The following KRT74 variants were observed in gnomAD, a reference collection of about 807,000 sequenced individuals.
KRT74 encodes the protein keratin 74, also known as keratin, type II cytoskeletal 74.
A neutral mutation model predicts 42.7 loss-of-function variants in KRT74; 43 were observed. That is an observed-to-expected ratio of 1.01 (90% confidence interval 0.79 to 1.30). The LOEUF (loss-of-function observed/expected upper bound fraction) is 1.30, where lower values mean the gene tolerates loss of function less well. Ranked by LOEUF, KRT74 falls within the 50% of genes most tolerant of loss-of-function variation. The pLI is 0.00. For missense variants in KRT74, 736 were observed against 689.1 expected, an observed-to-expected ratio of 1.07 and a Z score of -0.76; for synonymous variants, 302 against 279.0, an observed-to-expected ratio of 1.08 and a Z score of -0.82.
chr12:52,572,698 C>A (rs766610981), intron 1 of KRT74, 31 bp from the exon 2 acceptor site: 12 of 1,595,538 alleles, frequency 7.5e-6, no homozygotes, highest in Non-Finnish European at 1.0e-5. Context: ...CACCTGGAAC[C>A]ACAATGGGTG....
chr12:52,568,531 G>T, intron 6 of KRT74, 142 bp from the exon 7 acceptor site: 1 of 846,798 alleles, frequency 1.2e-6, no homozygotes, highest in Non-Finnish European at 1.9e-6. Context: ...CCAGAACTTT[G>T]TCTCTTCTAT....
intron 4 of KRT74, 68 bp from the exon 5 acceptor site, chr12:52,570,901 G>A (rs1256916041): frequency 6.3e-7 from 1 of 1,585,012 alleles, no homozygotes; most frequent in Non-Finnish European, 8.7e-7. Flanking sequence ...TCAGTCTTCT[G>A]GGCCCATGGT....
chr12:52,569,961 G>T lies in KRT74; in HGVS notation c.1032C>A (p.Ala344=). 1 of 1,614,052 alleles carries T rather than the reference G, an allele frequency of 6.2e-7. No individual in the cohort carries two copies. The highest frequency in any genetic ancestry group is 8.5e-7 in the Non-Finnish European group (1 of 1,180,014). ...GTTTCAGGTCGTCACCATGCCGACT[G>T]GCTGCCAGCTGCAGCTCCTGGATCT... The part of the protein sequence containing the change: ...QTKIQELQLA[A]SRHGDDLKHT... Residue 344 remains alanine, a synonymous_variant, in exon 6 of 9, where the codon GCC becomes GCA. Coordinates refer to ENST00000305620, the MANE Select transcript of KRT74 (RefSeq NM_175053.4).
intron 6 of KRT74, 113 bp downstream of exon 6, chr12:52,569,746 G>C (rs1042836483): frequency 3.7e-5 from 52 of 1,389,698 alleles, no homozygotes; most frequent in Non-Finnish European, 5.0e-5. Context: ...GGGTGGCCGA[G>C]GGACCCCTAA....
In KRT74 at chr12:52,570,716, T is replaced by A. The variant is rs1329212153; in HGVS notation, c.961A>T (p.Ile321Phe). The change falls in exon 5 of 9, where the codon ATC becomes TTC. Residue 321 changes from isoleucine (I) to phenylalanine (F), a missense_variant. By Grantham distance (21) the Ile-to-Phe change is conservative. Coordinates refer to ENST00000305620, the MANE Select transcript of KRT74 (RefSeq NM_175053.4). ...GCCTCGGCCTTGCTCTTCAGGGCGATCTCCTCATAATGCATGCGGACCTCA... is the reference window on the plus strand; with the variant it reads ...GCCTCGGCCTTGCTCTTCAGGGCGAACTCCTCATAATGCATGCGGACCTCA... ...IAEVRMHYEE[I>F]ALKSKAEAEA... 2 of 1,614,104 alleles carry A rather than the reference T, an allele frequency of 1.2e-6. No individual in the cohort carries two copies. Among genetic ancestry groups the A allele is most frequent in the African/African-American group, 2.7e-5 (2 of 74,942 alleles).
At position 52,572,543 on chromosome 12, in the gene KRT74, C is replaced by T. The variant is rs745957699; in HGVS notation, c.596G>A (p.Arg199Gln). ...PILEGYISNL[R>Q]KQLETLSGDR... ...CCCAGACAGTGTCTCCAGCTGCTTCCGCAGGTTGCTGATGTAGCCCTCAAG... is the reference window on the plus strand; with the variant it reads ...CCCAGACAGTGTCTCCAGCTGCTTCTGCAGGTTGCTGATGTAGCCCTCAAG... Residue 199 changes from arginine (R) to glutamine (Q), a missense_variant, in exon 2 of 9, where the codon CGG becomes CAG. Transcript: ENST00000305620. 22 of 1,614,092 alleles carry T rather than the reference C, an allele frequency of 1.4e-5. No homozygotes were observed. Among genetic ancestry groups the T allele is most frequent in the East Asian group, 1.3e-4 (6 of 44,894 alleles).
chr12:52,567,316 G>T, intron 8 of KRT74, 148 bp from the exon 9 acceptor site: 1 of 711,050 alleles, frequency 1.4e-6, no homozygotes, highest in Non-Finnish European at 2.3e-6. Flanking sequence ...GCACTACAGA[G>T]ATGAACTGAG....
Position 52,566,680 on chromosome 12 carries a change from C to T in KRT74, c.*289G>A. On this transcript the variant is annotated 3_prime_UTR_variant, in exon 9 of 9. Coordinates refer to ENST00000305620, the MANE Select transcript of KRT74 (RefSeq NM_175053.4). ...TCCCTCTTTCTAGGGATGATCACAG[C>T]TTCCTTAGGGCCAAGAAGGTTATAA... The T allele has an allele frequency of 2.8e-6, 1 of 359,056 alleles. No individual in the cohort carries two copies. Among genetic ancestry groups the T allele is most frequent in the Non-Finnish European group, 5.0e-6 (1 of 199,420 alleles). The allele number at this position is 359,056 out of a possible 1,614,324, so 22.2% of individuals were successfully genotyped here. A position where few individuals can be genotyped will look rare whatever the true frequency, so the allele number is the denominator to read the frequency against.
intron 3 of KRT74, among the ~76,000 whole-genome samples, chr12:52,571,674 TAGGTTTCCTC>T (rs543448691): frequency 9.2e-5 from 14 of 152,220 alleles, no homozygotes; most frequent in Admixed American, 2.6e-4. Flanking sequence ...AGAGAGGTAG[TAGGTTTCCTC>T]AGGTCACACA....
At position 52,568,298 on chromosome 12, in the gene KRT74, C is replaced by T. The variant is rs1200032244; in HGVS notation, c.1226G>A (p.Gly409Asp). 2 of 1,614,100 alleles carry T rather than the reference C, an allele frequency of 1.2e-6. No homozygotes were observed. Among genetic ancestry groups the T allele is most frequent in the Non-Finnish European group, 1.7e-6 (2 of 1,180,054 alleles). Residue 409 changes from glycine to aspartate, a missense_variant, in exon 7 of 9, where the codon GGC becomes GAC. Transcript: ENST00000305620. The part of the protein sequence containing the change: ...DAQAKLDELE[G>D]ALHQAKEELA... ...CTCCTCCTTGGCCTGGTGCAGGGCG[C>T]CCTCCAGCTCATCCAGCTTGGCCTG...
chr12:52,572,002 T>C lies in KRT74; in HGVS notation c.689A>G (p.Tyr230Cys), dbSNP rs762645649. 14 of 1,589,610 alleles carry C rather than the reference T, an allele frequency of 8.8e-6. No homozygotes were observed. The highest frequency in any genetic ancestry group is 1.2e-5 in the Non-Finnish European group (14 of 1,158,084). Residue 230 changes from tyrosine (Y) to cysteine (C), a missense_variant and splice_region_variant, in exon 3 of 9, where the codon TAT becomes TGT. Physicochemically the swap from Tyr to Cys is radical, Grantham distance 194. Transcript: ENST00000305620. The part of the protein sequence containing the change: ...RDLVEDYKKR[Y>C]EVEINRRTTA... ...CGTGCGCCGGTTAATCTCCACTTCA[T>C]ATCTGCCAGCAGGGAGAGTAGATGG...
chr12:52,570,071 G>T lies in KRT74; in HGVS notation c.1009-87C>A, dbSNP rs1211743721. ...ATAAGCCACCCCTGCCACCCTGGCT[G>T]TCGGTGGGATTTAACGGAACTGAAG... is the stretch of plus-strand genomic sequence containing the variant. On this transcript the variant is annotated intron_variant, in intron 5 of 8. Coordinates refer to ENST00000305620, the MANE Select transcript of KRT74 (RefSeq NM_175053.4). 2.7e-6 allele frequency: 4 copies of T among 1,482,340 alleles called. No homozygotes were observed. In the Admixed American group the frequency reaches 5.2e-5, roughly 19 times the overall value. The allele number at this position is 1,482,340 out of a possible 1,614,324, so 91.8% of individuals were successfully genotyped here.
At chr12:52,571,699 G>A (rs1939485191) in intron 3 of KRT74, among the ~76,000 whole-genome samples, 3 of 152,200 alleles carry the variant, frequency 2.0e-5, no homozygotes, top group Non-Finnish European at 4.4e-5. Context: ...CACACAGCAA[G>A]GTTGAGCTGG....
At chr12:52,569,045 C>T (rs556769157) in intron 6 of KRT74, among the ~76,000 whole-genome samples, 7 of 152,118 alleles carry the variant, frequency 4.6e-5, no homozygotes, top group Non-Finnish European at 8.8e-5. Context: ...AATGTAGAGT[C>T]GTAGAGTTGT....
rs748557486 is a variant in KRT74, at chr12:52,568,153, C to CT, written c.1355+15_1355+16insA. On this transcript the variant is annotated intron_variant, in intron 7 of 8. Transcript: ENST00000305620. ...ACCCCAGTCCCTTCTCACACTTTCC[C>CT]CTCCACCCCACCTACCTGCACTCCT... 4.3e-6 allele frequency: 7 copies of CT among 1,614,068 alleles called. No homozygotes were observed. In the South Asian group the frequency reaches 7.7e-5, roughly 18 times the overall value.
At chr12:52,570,974 G>T in intron 4 of KRT74, 141 bp from the exon 5 acceptor site, 2 of 968,812 alleles carry the variant, frequency 2.1e-6, no homozygotes, top group Non-Finnish European at 3.2e-6. Context: ...TGCCCTCTGG[G>T]ATGTGTCTGC....
rs73107577 is a variant in KRT74, at chr12:52,572,207, A to T, written c.687-203T>A. On this transcript the variant is annotated intron_variant, in intron 2 of 8. Coordinates refer to ENST00000305620, the MANE Select transcript of KRT74 (RefSeq NM_175053.4). ...ATGTTAGGAAAACACCCAGGTGCCT[A>T]TTGGGCTCCCGACACCAGCAACTGA... 0.043 allele frequency among the ~76,000 whole-genome samples: 6,485 copies of T among 152,232 alleles called. 182 individuals carry two copies. Among genetic ancestry groups the T allele is most frequent in the East Asian group, 0.088 (455 of 5,172 alleles).
chr12:52,572,845 G>C (rs908087583), intron 1 of KRT74, among the ~76,000 whole-genome samples, 178 bp from the exon 2 acceptor site: 1 of 152,054 alleles, frequency 6.6e-6, no homozygotes, highest in African/African-American at 2.4e-5. Context: ...TCATTTCCTA[G>C]CCTTCTGGAC....
Position 52,567,679 on chromosome 12 carries a change from T to A in KRT74, c.1370A>T (p.Asn457Ile). 1 of 1,612,536 alleles carries A rather than the reference T, an allele frequency of 6.2e-7. No individual in the cohort carries two copies. Among genetic ancestry groups the A allele is most frequent in the Non-Finnish European group, 8.5e-7 (1 of 1,178,628 alleles). The stretch of plus-strand genomic sequence containing the variant: ...CTCACAGATGCTCACAGAGGATGGA[T>A]TCTCACCAGACATCCTGTGAGACAG... The part of the protein sequence containing the change: ...EGEECRMSGE[N>I]PSSVSISVIS... Residue 457 changes from asparagine (N) to isoleucine (I), a missense_variant, in exon 8 of 9, where the codon AAT (asparagine) becomes ATT (isoleucine). Coordinates refer to ENST00000305620, the MANE Select transcript of KRT74 (RefSeq NM_175053.4).
Sources: allele counts gnomAD v4.1 joint callset (sites outside exome capture counted in the v4.1 genomes callset), GRCh38; gene constraint gnomAD v4.1.1; transcripts MANE v1.5; gene names NCBI Gene and HGNC (gene_info 2026-07-23, HGNC 2026-07-21).